ABCA13: variants seen among roughly 807,000 people sequenced by gnomAD.
The protein encoded by ABCA13 is ATP binding cassette subfamily A member 13, also known as ATP-binding cassette sub-family A member 13.
In ABCA13, 476 loss-of-function variants were observed where a neutral mutation model predicts 478.7. The ratio of observed to expected loss-of-function variants is 0.99; its 90% CI spans 0.92 to 1.07. ABCA13 has a LOEUF of 1.07. ABCA13 is among the 50% of genes least tolerant of loss of function. The pLI is 0.00. For synonymous variants in ABCA13, 2,252 were observed against 2,158.9 expected, an observed-to-expected ratio of 1.04 and a Z score of -1.20; for missense variants, 6,060 against 5,910.6, an observed-to-expected ratio of 1.03 and a Z score of -0.83.
Position 48,279,416 on chromosome 7 carries a change from T to G in ABCA13, c.8222T>G (p.Leu2741Arg). ...TCTTTCTTGAAAATGGTGATCTGTC[T>G]CACCTTAGAAGCTCTTTGGAAAAAC... is the stretch of plus-strand genomic sequence containing the variant. ...IGSFLKMVIC[L>R]TLEALWKNLK... The change falls in exon 18 of 62, where the codon CTC becomes CGC. Residue 2741 changes from leucine to arginine, a missense_variant. This residue lies in a region of ABCA13 where 4,423 missense variants were observed against 4,309.1 expected (regional missense o/e 1.03). Coordinates refer to ENST00000435803, the MANE Select transcript of ABCA13 (RefSeq NM_152701.5). 1 of 1,603,406 alleles carries G rather than the reference T, an allele frequency of 6.2e-7. No individual in the cohort carries two copies. The highest frequency in any genetic ancestry group is 1.7e-4 in the Middle Eastern group (1 of 6,042).
At chr7:48,214,757 C>G (rs570684589) in intron 3 of ABCA13, among the ~76,000 whole-genome samples, 5 of 152,284 alleles carry the variant, frequency 3.3e-5, no homozygotes, top group Admixed American at 2.6e-4. Flanking sequence ...AGAATTAGGA[C>G]CTTTCTCTGG....
intron 54 of ABCA13, among the ~76,000 whole-genome samples, chr7:48,526,683 G>A (rs1832910194): frequency 6.6e-6 from 1 of 152,172 alleles, no homozygotes; most frequent in Non-Finnish European, 1.5e-5. Context: ...GTAAGCAATT[G>A]TAACACAATT....
intron 37 of ABCA13, 59 bp from the exon 38 acceptor site, chr7:48,391,862 G>T: frequency 6.6e-7 from 1 of 1,512,658 alleles, no homozygotes; most frequent in East Asian, 2.4e-5. Context: ...TGACTGGATT[G>T]CTGACGTTCA....
At chr7:48,575,681 A>T (rs1788100190) in intron 55 of ABCA13, among the ~76,000 whole-genome samples, 2 of 151,796 alleles carry the variant, frequency 1.3e-5, no homozygotes, top group Non-Finnish European at 2.9e-5. Context: ...GATGTGGAAC[A>T]TGAAAAAATG....
intron 42 of ABCA13, among the ~76,000 whole-genome samples, chr7:48,436,009 T>C (rs1822782533): frequency 6.6e-6 from 1 of 150,960 alleles, no homozygotes; most frequent in Non-Finnish European, 1.5e-5. Context: ...GCTTCATAAC[T>C]CATTCTGTGA....
chr7:48,258,485 A>G (rs1307954878), intron 15 of ABCA13, among the ~76,000 whole-genome samples: 3 of 151,120 alleles, frequency 2.0e-5, no homozygotes, highest in Non-Finnish European at 3.0e-5. Context: ...TTTTTTCTTT[A>G]TTAGCCTAGC....
At chr7:48,431,284 T>C (rs181468611) in intron 42 of ABCA13, among the ~76,000 whole-genome samples, 1 of 151,796 alleles carries the variant, frequency 6.6e-6, no homozygotes, top group Non-Finnish European at 1.5e-5. Context: ...GGAGGTTGCC[T>C]TGAGCCTAGA....
chr7:48,417,262 C>T (rs1397038162), intron 41 of ABCA13, among the ~76,000 whole-genome samples: 1 of 152,156 alleles, frequency 6.6e-6, no homozygotes, highest in African/African-American at 2.4e-5. Context: ...TGATGACATG[C>T]ATTTGTGTCC....
At chr7:48,234,305 C>T in intron 8 of ABCA13, 154 bp downstream of exon 8, 1 of 908,434 alleles carries the variant, frequency 1.1e-6, no homozygotes, top group Admixed American at 1.8e-5. Context: ...GAAGAGACCC[C>T]TACTGTCTCC....
intron 41 of ABCA13, among the ~76,000 whole-genome samples, chr7:48,413,459 G>A (rs1000816079): frequency 1.3e-5 from 2 of 152,186 alleles, no homozygotes; most frequent in African/African-American, 2.4e-5. Flanking sequence ...GCTACGTTGT[G>A]TGACCCAACC....
At chr7:48,635,847 T>C (rs1355383343) in intron 59 of ABCA13, among the ~76,000 whole-genome samples, 2 of 152,244 alleles carry the variant, frequency 1.3e-5, no homozygotes, top group Admixed American at 6.5e-5. Context: ...CTTGAATAAC[T>C]ATATTTTTTA....
intron 55 of ABCA13, among the ~76,000 whole-genome samples, chr7:48,579,713 A>G (rs924225699): frequency 5.9e-5 from 9 of 152,168 alleles, no homozygotes; most frequent in Non-Finnish European, 1.2e-4. Flanking sequence ...TATGTACCAT[A>G]TAAGGCTAAA....
intron 55 of ABCA13, among the ~76,000 whole-genome samples, chr7:48,530,562 C>G (rs1386930808): frequency 6.6e-6 from 1 of 152,088 alleles, no homozygotes; most frequent in Non-Finnish European, 1.5e-5. Context: ...TAAGGAATCT[C>G]CACACTGTTT....
intron 48 of ABCA13, among the ~76,000 whole-genome samples, chr7:48,494,636 T>C (rs1398636904): frequency 6.6e-6 from 1 of 152,002 alleles, no homozygotes; most frequent in Non-Finnish European, 1.5e-5. Context: ...GAGGAGGACA[T>C]TGCATACCTT....
chr7:48,478,336 G>T (rs1046684310), intron 45 of ABCA13, among the ~76,000 whole-genome samples: 17 of 145,410 alleles, frequency 1.2e-4, no homozygotes, highest in African/African-American at 3.5e-4. Flanking sequence ...TTATGGAAAG[G>T]CTAAATCCAG....
At chr7:48,617,223 C>G (rs1792675032) in intron 59 of ABCA13, among the ~76,000 whole-genome samples, 1 of 152,176 alleles carries the variant, frequency 6.6e-6, no homozygotes, top group African/African-American at 2.4e-5. Flanking sequence ...TTAGCAACAT[C>G]AGAACCCATT....
chr7:48,601,554 A>G (rs1195413630), intron 58 of ABCA13, among the ~76,000 whole-genome samples: 1 of 152,056 alleles, frequency 6.6e-6, no homozygotes, highest in Admixed American at 6.5e-5. Flanking sequence ...ACATGAACTA[A>G]TTCTTTTTTA....
intron 15 of ABCA13, among the ~76,000 whole-genome samples, chr7:48,265,245 T>TA (rs869216297): frequency 2.0e-5 from 3 of 150,844 alleles, no homozygotes; most frequent in African/African-American, 7.3e-5. Context: ...TTCTTTTTTT[T>TA]AAAAAAAATG....
Position 48,392,006 on chromosome 7 carries a change from A to G in ABCA13, c.11740A>G (p.Arg3914Gly). 6.2e-7 allele frequency: 1 copy of G among 1,614,046 alleles called. No individual in the cohort carries two copies. The highest frequency in any genetic ancestry group is 8.5e-7 in the Non-Finnish European group (1 of 1,179,884). Reference sequence around the variant, plus strand: ...CCTACAGACAGACCTGTCGAGGGTCAGAATGGAGCTTGGTGTGTGTCCGCA... The same window carrying G: ...CCTACAGACAGACCTGTCGAGGGTCGGAATGGAGCTTGGTGTGTGTCCGCA... ...KNLQTDLSRV[R>G]MELGVCPQQD... The change falls in exon 38 of 62, where the codon AGA becomes GGA. Residue 3914 changes from arginine to glycine, a missense_variant. By Grantham distance (125) the Arg-to-Gly change is moderately radical (BLOSUM62 -2). Transcript: ENST00000435803.
Sources: allele counts gnomAD v4.1 joint callset (sites outside exome capture counted in the v4.1 genomes callset), GRCh38; gene constraint gnomAD v4.1.1; regional missense constraint gnomAD v4.1.1; transcripts MANE v1.5; gene names NCBI Gene and HGNC (gene_info 2026-07-23, HGNC 2026-07-21).